ZNF254: variants seen among roughly 807,000 people sequenced by gnomAD.
ZNF254 encodes zinc finger protein 254.
In ZNF254, 10 loss-of-function variants were observed where a neutral mutation model predicts 12.4. The ratio of observed to expected loss-of-function variants is 0.80; its 90% CI spans 0.50 to 1.36. The LOEUF (loss-of-function observed/expected upper bound fraction) is 1.36. Ranked by LOEUF, ZNF254 falls within the 40% of genes most tolerant of loss-of-function variation. ZNF254 has a pLI of 0.00. For synonymous variants in ZNF254, 305 were observed against 253.4 expected (o/e 1.20, Z -1.93); for missense variants, 996 against 763.9 (o/e 1.30, Z -3.58).
intron 2 of ZNF254, among the ~76,000 whole-genome samples, chr19:24,076,235 A>C (rs1024624624): frequency 1.3e-5 from 2 of 152,248 alleles, no homozygotes; most frequent in African/African-American, 4.8e-5. Flanking sequence ...AATCTTCACA[A>C]TTTCTGTTCA....
chr19:24,117,269 C>G (rs893555712), intron 3 of ZNF254, among the ~76,000 whole-genome samples: 1 of 152,150 alleles, frequency 6.6e-6, no homozygotes, highest in Non-Finnish European at 1.5e-5. Context: ...TTACTGCTGT[C>G]TTGTTTGTCT....
chr19:24,113,986 C>T (rs1973874163), intron 3 of ZNF254, among the ~76,000 whole-genome samples: 1 of 151,994 alleles, frequency 6.6e-6, no homozygotes, highest in Non-Finnish European at 1.5e-5. Context: ...TGGAGGACCT[C>T]TTCAAGGAGA....
intron 3 of ZNF254, chr19:24,107,209 A>G: frequency 3.1e-6 from 2 of 649,032 alleles, no homozygotes; most frequent in East Asian, 3.0e-5. Context: ...TTTCATGTCC[A>G]TTTTAGGATT....
intron 2 of ZNF254, among the ~76,000 whole-genome samples, chr19:24,073,273 T>C (rs1327786735): frequency 6.6e-6 from 1 of 152,180 alleles, no homozygotes; most frequent in Non-Finnish European, 1.5e-5. Flanking sequence ...TTCTGTTACA[T>C]GTGATCATGC....
chr19:24,102,217 TAAAC>T (rs1336913460), intron 1 of ZNF254, among the ~76,000 whole-genome samples: 1 of 141,912 alleles, frequency 7.0e-6, no homozygotes, highest in Non-Finnish European at 1.5e-5. Context: ...CATATATTAA[TAAAC>T]AAAATTTGTT....
chr19:24,044,236 T>TAA (rs1970288687), intron 1 of ZNF254, among the ~76,000 whole-genome samples: 4 of 122,638 alleles, frequency 3.3e-5, no homozygotes, highest in Admixed American at 2.4e-4. Flanking sequence ...AAGACTCCGT[T>TAA]TAAAAAAAAA....
chr19:24,068,327 G>C (rs1420988572), intron 2 of ZNF254, among the ~76,000 whole-genome samples: 1 of 151,668 alleles, frequency 6.6e-6, no homozygotes, highest in East Asian at 1.9e-4. Context: ...TTGAGGCAGA[G>C]TCTCACTCTG....
At chr19:24,045,176 A>G (rs62113677) in intron 1 of ZNF254, among the ~76,000 whole-genome samples, 24,089 of 152,162 alleles carry the variant, frequency 0.16, 2,083 homozygotes, top group Middle Eastern at 0.23. Context: ...ATACTGAGGC[A>G]AGCTGTACCA....
chr19:24,100,681 T>G (rs1568456490), intron 1 of ZNF254, among the ~76,000 whole-genome samples: 1 of 119,196 alleles, frequency 8.4e-6, no homozygotes, highest in East Asian at 2.1e-4. Context: ...TGTCTCTCTC[T>G]CTTTTTTTTT....
intron 2 of ZNF254, chr19:24,079,324 C>G (rs1971768126): frequency 6.6e-6 from 1 of 152,190 alleles, no homozygotes. Context: ...TTTTTTCCCA[C>G]TAATACACCT....
rs1330703904 is a variant in ZNF254 at position 24,126,992 on chromosome 19, T to G, written c.992T>G (p.Phe331Cys). ...PYKCEECGKA[F>C]IWSSTLTRHK... ...AAGTGTGAAGAATGTGGCAAAGCATTTATATGGTCCTCAACACTAACTAGA... is the reference window on the plus strand; with the variant it reads ...AAGTGTGAAGAATGTGGCAAAGCATGTATATGGTCCTCAACACTAACTAGA... The change falls in exon 4 of 4, where the codon TTT (phenylalanine) becomes TGT (cysteine). Residue 331 changes from phenylalanine (F) to cysteine (C), a missense_variant. Coordinates refer to ENST00000357002, the MANE Select transcript of ZNF254 (RefSeq NM_203282.4). 2 of 1,613,544 alleles carry G rather than the reference T, an allele frequency of 1.2e-6. No individual in the cohort carries two copies. Among genetic ancestry groups the G allele is most frequent in the East Asian group, 4.5e-5 (2 of 44,798 alleles).
At chr19:24,108,619 T>A (rs1347704156) in intron 3 of ZNF254, among the ~76,000 whole-genome samples, 1 of 152,240 alleles carries the variant, frequency 6.6e-6, no homozygotes, top group Non-Finnish European at 1.5e-5. Context: ...TGAACCATGA[T>A]GCCTGGTTCT....
At chr19:24,041,591 C>T (rs1970164048) in intron 1 of ZNF254, among the ~76,000 whole-genome samples, 1 of 152,262 alleles carries the variant, frequency 6.6e-6, no homozygotes, top group African/African-American at 2.4e-5. Context: ...ATGCCTGAGC[C>T]TCCCACCCAC....
chr19:24,070,432 A>G (rs185901697), intron 2 of ZNF254, among the ~76,000 whole-genome samples: 10 of 152,218 alleles, frequency 6.6e-5, no homozygotes, highest in Non-Finnish European at 8.8e-5. Context: ...GGAAGTTGCA[A>G]AGTTGACTCC....
chr19:24,062,290 C>G (rs1257994934), intron 2 of ZNF254, among the ~76,000 whole-genome samples: 2 of 152,108 alleles, frequency 1.3e-5, no homozygotes, highest in Non-Finnish European at 2.9e-5. Flanking sequence ...GATTGTCATC[C>G]TCACACATGA....
At chr19:24,087,984 C>T (rs999309491) in intron 1 of ZNF254, among the ~76,000 whole-genome samples, 4 of 140,878 alleles carry the variant, frequency 2.8e-5, no homozygotes, top group Middle Eastern at 3.5e-3. Context: ...GGTGTGATCT[C>T]GACTCACTGC....
intron 2 of ZNF254, among the ~76,000 whole-genome samples, chr19:24,054,548 C>T (rs545984430): frequency 3.9e-5 from 6 of 152,296 alleles, no homozygotes; most frequent in Middle Eastern, 3.4e-3. Flanking sequence ...GGGCACACAG[C>T]ACAAAGGTGA....
At chr19:24,058,801 C>T (rs770083246) in intron 2 of ZNF254, among the ~76,000 whole-genome samples, 2 of 152,194 alleles carry the variant, frequency 1.3e-5, no homozygotes, top group Non-Finnish European at 2.9e-5. Flanking sequence ...TAACTCTCCT[C>T]TGCTTTGCCC....
At chr19:24,045,819 A>C (rs1970364220) in intron 1 of ZNF254, among the ~76,000 whole-genome samples, 1 of 152,082 alleles carries the variant, frequency 6.6e-6, no homozygotes, top group Non-Finnish European at 1.5e-5. Context: ...TTGCAACATA[A>C]CAAGGGCTTT....
Sources: allele counts gnomAD v4.1 joint callset (sites outside exome capture counted in the v4.1 genomes callset), GRCh38; gene constraint gnomAD v4.1.1; transcripts MANE v1.5; gene names NCBI Gene and HGNC (gene_info 2026-07-23, HGNC 2026-07-21).